MSRA: variants seen among roughly 807,000 people sequenced by gnomAD.
MSRA encodes the protein methionine sulfoxide reductase A.
Under a neutral mutation model 31.3 loss-of-function variants are expected in MSRA, and 54 were observed. That is an observed-to-expected ratio of 1.73 (90% CI 1.39 to 2.17). MSRA has a LOEUF of 2.17. Among genes scored for constraint, MSRA ranks in the 30% most tolerant of loss-of-function variants. MSRA has a pLI of 0.00. For missense variants in MSRA, 507 were observed against 300.9 expected (o/e 1.69, Z -5.07); for synonymous variants, 169 against 116.5 (o/e 1.45, Z -2.90).
intron 5 of MSRA, among the ~76,000 whole-genome samples, chr8:10,420,783 T>C (rs980238511): frequency 1.3e-5 from 2 of 152,166 alleles, no homozygotes; most frequent in African/African-American, 4.8e-5. Flanking sequence ...GAAAAAGTTC[T>C]AGAGATAGTA....
chr8:10,422,799 G>T (rs1002678718), intron 5 of MSRA, among the ~76,000 whole-genome samples: 1 of 152,202 alleles, frequency 6.6e-6, no homozygotes, highest in Non-Finnish European at 1.5e-5. Flanking sequence ...GCAGAGGCAG[G>T]CCCTGGGGTT....
intron 3 of MSRA, among the ~76,000 whole-genome samples, chr8:10,277,845 T>TC (rs1262995137): frequency 4.6e-5 from 3 of 64,812 alleles, no homozygotes. Context: ...TATACATATT[T>TC]GAAAGTTCAT....
intron 1 of MSRA, among the ~76,000 whole-genome samples, chr8:10,099,095 G>A (rs1178942501): frequency 6.6e-6 from 1 of 150,848 alleles, no homozygotes; most frequent in Non-Finnish European, 1.5e-5. Context: ...GTTCGTGTGT[G>A]TGTATGTTTG....
At chr8:10,182,239 G>A (rs965716339) in intron 1 of MSRA, among the ~76,000 whole-genome samples, 1 of 152,184 alleles carries the variant, frequency 6.6e-6, no homozygotes, top group Non-Finnish European at 1.5e-5. Flanking sequence ...CTTACAGAAT[G>A]ACTAAGAATA....
chr8:10,422,344 G>A (rs1300881624), intron 5 of MSRA, among the ~76,000 whole-genome samples: 4 of 152,106 alleles, frequency 2.6e-5, no homozygotes, highest in Admixed American at 1.3e-4. Context: ...TGCATTCCTC[G>A]TCCTAGCACA....
chr8:10,203,720 G>A (rs1808703162), intron 1 of MSRA, among the ~76,000 whole-genome samples: 1 of 152,178 alleles, frequency 6.6e-6, no homozygotes, highest in Non-Finnish European at 1.5e-5. Context: ...TTATTTTAGA[G>A]TGTGCTCCTG....
intron 1 of MSRA, among the ~76,000 whole-genome samples, chr8:10,076,104 C>G (rs967067513): frequency 6.6e-6 from 1 of 152,214 alleles, no homozygotes; most frequent in Non-Finnish European, 1.5e-5. Context: ...GCTGTGTGAC[C>G]TTGGATAAAT....
At chr8:10,157,902 T>C (rs1220277620) in intron 1 of MSRA, among the ~76,000 whole-genome samples, 1 of 152,208 alleles carries the variant, frequency 6.6e-6, no homozygotes, top group Non-Finnish European at 1.5e-5. Context: ...ATCTATTTAA[T>C]GTGTACAGTT....
chr8:10,347,780 T>G lies in MSRA; in HGVS notation c.543+27791T>G, dbSNP rs181615476. ...TTACTCCTTGCCACACACTTGACTTTTCAATCCCGTTACCCTAGTTGTTTC... is the reference window on the plus strand; with the variant it reads ...TTACTCCTTGCCACACACTTGACTTGTCAATCCCGTTACCCTAGTTGTTTC... On this transcript the variant is annotated intron_variant, in intron 5 of 5. Transcript: ENST00000317173. Among the ~76,000 whole-genome samples, 4 of 152,344 alleles carry G rather than the reference T, an allele frequency of 2.6e-5. No individual in the cohort carries two copies. The East Asian group carries it at 7.7e-4, about 29-fold the overall frequency.
intron 5 of MSRA, chr8:10,337,741 G>A (rs1167151726): frequency 1.4e-6 from 1 of 702,622 alleles, no homozygotes; most frequent in Admixed American, 2.0e-5. Context: ...CAGCCATGCT[G>A]GGGCTCACTG....
At chr8:10,118,390 C>T (rs1415492462) in intron 1 of MSRA, among the ~76,000 whole-genome samples, 1 of 152,146 alleles carries the variant, frequency 6.6e-6, no homozygotes, top group Non-Finnish European at 1.5e-5. Context: ...GCAAAGGCCC[C>T]ATGACATAAA....
chr8:10,304,285 G>A (rs527832909), intron 4 of MSRA, among the ~76,000 whole-genome samples: 10 of 152,292 alleles, frequency 6.6e-5, no homozygotes, highest in African/African-American at 9.6e-5. Flanking sequence ...ACGAGTATCC[G>A]GCCTCTTGGT....
At chr8:10,202,167 C>G (rs1019926564) in intron 1 of MSRA, among the ~76,000 whole-genome samples, 1 of 152,216 alleles carries the variant, frequency 6.6e-6, no homozygotes, top group Middle Eastern at 3.2e-3. Flanking sequence ...TTAGCCCACC[C>G]TTCCCCCATA....
chr8:10,089,177 A>G (rs1381584435), intron 1 of MSRA, among the ~76,000 whole-genome samples: 2 of 152,034 alleles, frequency 1.3e-5, no homozygotes, highest in Admixed American at 6.6e-5. Context: ...CTCTGAGGTG[A>G]TGGATATGTT....
intron 1 of MSRA, among the ~76,000 whole-genome samples, chr8:10,089,546 A>C (rs1204172415): frequency 6.6e-6 from 1 of 152,226 alleles, no homozygotes; most frequent in Non-Finnish European, 1.5e-5. Flanking sequence ...AGGGGAAACC[A>C]CAGCGGGTAG....
intron 5 of MSRA, among the ~76,000 whole-genome samples, chr8:10,379,751 G>A (rs1397785237): frequency 6.6e-6 from 1 of 152,198 alleles, no homozygotes; most frequent in Non-Finnish European, 1.5e-5. Flanking sequence ...CCAGGCCTAG[G>A]GTAACCCTCA....
chr8:10,133,580 G>C (rs1202933806), intron 1 of MSRA, among the ~76,000 whole-genome samples: 1 of 152,192 alleles, frequency 6.6e-6, no homozygotes. Context: ...GGCCCTTCCA[G>C]TGTGAACCTG....
intron 3 of MSRA, among the ~76,000 whole-genome samples, chr8:10,280,141 A>C (rs1224123444): frequency 2.0e-5 from 3 of 151,926 alleles, no homozygotes; most frequent in Admixed American, 1.3e-4. Flanking sequence ...GCTTTACTGA[A>C]TCTGTAGTTA....
chr8:10,185,363 A>G (rs1806939978), intron 1 of MSRA, among the ~76,000 whole-genome samples: 1 of 152,178 alleles, frequency 6.6e-6, no homozygotes, highest in African/African-American at 2.4e-5. Context: ...GGTTTCCCCC[A>G]AAGATTTTAC....
Sources: gnomAD v4.1 joint callset for allele counts (sites outside exome capture counted in the v4.1 genomes callset) on GRCh38, gnomAD v4.1.1 for gene constraint, MANE v1.5 for transcripts, NCBI Gene and HGNC (gene_info 2026-07-23, HGNC 2026-07-21) for gene names.